Variants in DUSP15 observed in about 807,000 individuals in gnomAD.
DUSP15 encodes the protein dual specificity protein phosphatase 15.
In DUSP15, 23 loss-of-function variants were observed where a neutral mutation model predicts 26.3. The observed-to-expected ratio is 0.87, with a 90% CI of 0.63 to 1.24. The LOEUF (loss-of-function observed/expected upper bound fraction) is 1.24. DUSP15 is among the 50% of genes most tolerant of loss of function. The pLI, the probability that DUSP15 is intolerant of heterozygous loss-of-function variation, is 0.00. For synonymous variants in DUSP15, 143 were observed against 135.5 expected, an observed-to-expected ratio of 1.06 and a Z score of -0.39; for missense variants, 364 against 320.6, an observed-to-expected ratio of 1.14 and a Z score of -1.03.
At chr20:31,855,934 T>C (rs2062553797) in intron 6 of DUSP15, among the ~76,000 whole-genome samples, 1 of 152,086 alleles carries the variant, frequency 6.6e-6, no homozygotes, top group South Asian at 2.1e-4. Context: ...GCTCTCTCTT[T>C]TTTAAAAAAA....
At chr20:31,845,937 GAT>G (rs750082331), downstream of DUSP15, among the ~76,000 whole-genome samples, 2 of 152,106 alleles carry the variant, frequency 1.3e-5, no homozygotes, top group African/African-American at 4.8e-5. Context: ...GGAAAAAAGA[GAT>G]AGAGACAGAG....
At chr20:31,863,348 A>G (rs1028973574) in intron 5 of DUSP15, among the ~76,000 whole-genome samples, 3 of 151,864 alleles carry the variant, frequency 2.0e-5, no homozygotes, top group Admixed American at 6.6e-5. Context: ...ACAGCTGGAA[A>G]GGGGAAGGAG....
At chr20:31,859,234 G>A (rs1268510676), downstream of DUSP15, among the ~76,000 whole-genome samples, 3 of 150,974 alleles carry the variant, frequency 2.0e-5, no homozygotes, top group Non-Finnish European at 4.4e-5. Flanking sequence ...TGTACTTTGT[G>A]GATTCTTGGT....
exon 10 of DUSP15, chr20:31,848,388 C>CT (rs747502137): frequency 1.2e-6 from 2 of 1,608,580 alleles, no homozygotes; most frequent in Non-Finnish European, 1.7e-6. Context: ...GGGAGCCCCC[C>CT]TGTTGGGGGC....
intron 6 of DUSP15, among the ~76,000 whole-genome samples, chr20:31,853,066 C>CT (rs2062500773): frequency 6.6e-6 from 1 of 152,162 alleles, no homozygotes; most frequent in Admixed American, 6.5e-5. Flanking sequence ...TGCCCTGCCC[C>CT]TTGCCCTCTC....
At chr20:31,865,053 T>C in intron 3 of DUSP15, 51 bp from the exon 4 acceptor site, 1 of 1,604,864 alleles carries the variant, frequency 6.2e-7, no homozygotes, top group Non-Finnish European at 8.5e-7. Context: ...CAACCCTCCC[T>C]GATGCTGGTC....
At chr20:31,856,490 C>T (rs1186659275), downstream of DUSP15, among the ~76,000 whole-genome samples, 1 of 152,092 alleles carries the variant, frequency 6.6e-6, no homozygotes, top group Non-Finnish European at 1.5e-5. Flanking sequence ...CTGCAGTTGT[C>T]CTGTGAGAGC....
At chr20:31,862,804 C>T (rs1378985008) in intron 5 of DUSP15, 62 bp from the exon 6 acceptor site, 11 of 1,489,990 alleles carry the variant, frequency 7.4e-6, no homozygotes, top group Non-Finnish European at 9.9e-6. Context: ...TGCCCCCAGG[C>T]ACCCCACCCT....
At chr20:31,863,075 TGG>T (rs11467419) in intron 5 of DUSP15, among the ~76,000 whole-genome samples, 62,281 of 148,744 alleles carry the variant, frequency 0.42, 13,173 homozygotes, top group East Asian at 0.74. Flanking sequence ...ACAGTATGGC[TGG>T]GGGGGGGGGA....
chr20:31,867,883 G>A (rs1259340311), intron 2 of DUSP15, among the ~76,000 whole-genome samples: 1 of 152,018 alleles, frequency 6.6e-6, no homozygotes, highest in East Asian at 1.9e-4. Context: ...CTGACCTCGT[G>A]ATCCGCCCGC....
Position 31,861,408 on chromosome 20 carries a change from T to C in DUSP15, c.703A>G (p.Lys235Glu), listed in dbSNP as rs1451823109. 1.3e-6 allele frequency: 2 copies of C among 1,552,382 alleles called. No individual in the cohort carries two copies. Among genetic ancestry groups the C allele is most frequent in the South Asian group, 2.4e-5 (2 of 84,618 alleles). ...GCCACGGCTGGACTGCATCCTCACTTGCCGCCCTTGCGGGACAGACACCGG... is the reference window on the plus strand; with the variant it reads ...GCCACGGCTGGACTGCATCCTCACTCGCCGCCCTTGCGGGACAGACACCGG... ...LPRCLSRKGG[K>E] Residue 235 changes from lysine (K) to glutamate (E), a missense_variant, in exon 7 of 7, where the codon AAG becomes GAG. Lys to Glu is a moderately conservative substitution (Grantham distance 56, BLOSUM62 1). Coordinates refer to ENST00000339738, the MANE Select transcript of DUSP15 (RefSeq NM_080611.5).
exon 8 of DUSP15, chr20:31,849,797 C>A (rs1255848697): frequency 1.3e-6 from 2 of 1,541,538 alleles, no homozygotes; most frequent in Non-Finnish European, 1.7e-6. Flanking sequence ...CGGACTCAGA[C>A]GACAGCGCTG....
At chr20:31,861,074 A>G, downstream of DUSP15, 13 of 1,149,574 alleles carry the variant, frequency 1.1e-5, no homozygotes, top group Non-Finnish European at 1.4e-5. Flanking sequence ...TCGGACAGGC[A>G]GCTTCTTCTG....
intron 3 of DUSP15, 91 bp from the exon 4 acceptor site, chr20:31,865,093 C>T (rs1334069184): frequency 7.0e-7 from 1 of 1,421,504 alleles, no homozygotes; most frequent in African/African-American, 1.4e-5. Context: ...ATAACCCCAG[C>T]CCAGTTCCTG....
At position 31,862,512 on chromosome 20, in the gene DUSP15, C is replaced by T. The variant is rs530331150; in HGVS notation, c.435+59G>A. The T allele has an allele frequency of 2.4e-5, 37 of 1,514,500 alleles. No individual in the cohort carries two copies. The East Asian group carries it at 5.1e-4, about 21-fold the overall frequency. 93.8% of individuals were successfully genotyped at this position (1,514,500 alleles called of 1,614,324 possible). ...AAAATGTTCCAATCAGTGATCAGTT[C>T]GAGTGGGAAGAAGGATCTCCCACCC... On this transcript the variant is annotated intron_variant, in intron 6 of 6. Transcript: ENST00000339738.
intron 3 of DUSP15, among the ~76,000 whole-genome samples, chr20:31,865,253 T>A (rs1313087547): frequency 6.6e-6 from 1 of 151,992 alleles, no homozygotes; most frequent in Non-Finnish European, 1.5e-5. Context: ...ACGTCACCTA[T>A]CCCTCCCAAC....
chr20:31,854,315 T>C (rs1249674254), intron 6 of DUSP15, among the ~76,000 whole-genome samples: 2 of 152,210 alleles, frequency 1.3e-5, no homozygotes, highest in Non-Finnish European at 2.9e-5. Flanking sequence ...TTGATTTTAT[T>C]GTCTGCAAAT....
chr20:31,867,934 C>T (rs1243595473), intron 2 of DUSP15, among the ~76,000 whole-genome samples: 3 of 151,836 alleles, frequency 2.0e-5, no homozygotes, highest in Non-Finnish European at 4.4e-5. Flanking sequence ...CGTGAGCCAT[C>T]GTGCCCGGCT....
At position 31,861,419 on chromosome 20, in the gene DUSP15, C is replaced by A. The variant is rs763978815; in HGVS notation, c.692G>T (p.Arg231Leu). 1.3e-6 allele frequency: 2 copies of A among 1,557,398 alleles called. No individual in the cohort carries two copies. Among genetic ancestry groups the A allele is most frequent in the Middle Eastern group, 1.7e-4 (1 of 5,844 alleles). The change falls in exon 7 of 7, where the codon CGC becomes CTC. Residue 231 changes from arginine (R) to leucine (L), a missense_variant. By Grantham distance (102) the Arg-to-Leu change is moderately radical. Transcript: ENST00000339738. ...ACTGCATCCTCACTTGCCGCCCTTG[C>A]GGGACAGACACCGGGGGAGGCAAGA... Reference protein sequence around the residue: ...TFSCLPRCLSRKGGK With the variant: ...TFSCLPRCLSLKGGK
Sources: allele counts gnomAD v4.1 joint callset (sites outside exome capture counted in the v4.1 genomes callset), GRCh38; gene constraint gnomAD v4.1.1; transcripts MANE v1.5; gene names NCBI Gene and HGNC (gene_info 2026-07-23, HGNC 2026-07-21).